The following LINGO2 variants were observed in gnomAD, a reference collection of about 807,000 sequenced individuals.
The protein encoded by LINGO2 is leucine-rich repeat and immunoglobulin-like domain-containing nogo receptor-interacting protein 2.
Under a neutral mutation model 30.6 loss-of-function variants are expected in LINGO2, and 14 were observed. That is an observed-to-expected ratio of 0.46 (90% CI 0.30 to 0.72). The LOEUF (loss-of-function observed/expected upper bound fraction) is 0.72, where lower values mean the gene tolerates loss of function less well. Among genes scored for constraint, LINGO2 ranks in the 30% least tolerant of loss-of-function variants. The pLI is 0.07. For synonymous variants in LINGO2, 317 were observed against 288.5 expected (o/e 1.10, Z -1.00); for missense variants, 729 against 751.7 (o/e 0.97, Z 0.35).
the LINGO2 span, among the ~76,000 whole-genome samples, chr9:28,704,916 A>G: frequency 2.6e-5 from 4 of 151,956 alleles, no homozygotes; most frequent in African/African-American, 9.7e-5. Flanking sequence ...ATCTGATGTT[A>G]TTCAATTGCT....
At chr9:28,051,419 TAAC>T (rs1415096892) in intron 4 of LINGO2, among the ~76,000 whole-genome samples, 5 of 152,250 alleles carry the variant, frequency 3.3e-5, no homozygotes, top group Non-Finnish European at 5.9e-5. Context: ...GAAACAATTC[TAAC>T]AACTTTCATT....
At chr9:28,149,212 C>T in intron 4 of LINGO2, 1 of 1,138,584 alleles carries the variant, frequency 8.8e-7, no homozygotes, top group South Asian at 1.4e-5. Flanking sequence ...GATGGTAGGG[C>T]AGGCGTGGTG....
At chr9:28,773,814 C>T in the LINGO2 span, among the ~76,000 whole-genome samples, 1 of 152,058 alleles carries the variant, frequency 6.6e-6, no homozygotes, top group African/African-American at 2.4e-5. Flanking sequence ...AATAAAAACT[C>T]CTTTAAATGT....
the LINGO2 span, among the ~76,000 whole-genome samples, chr9:29,161,243 G>A: frequency 5.3e-5 from 8 of 152,168 alleles, no homozygotes; most frequent in African/African-American, 1.9e-4. Flanking sequence ...ACAGTGTGAG[G>A]GAGCTAGTGT....
At chr9:28,220,758 T>A (rs766325445) in intron 4 of LINGO2, among the ~76,000 whole-genome samples, 1 of 151,972 alleles carries the variant, frequency 6.6e-6, no homozygotes, top group African/African-American at 2.4e-5. Context: ...CTACCATCGG[T>A]CTCCAGAAAA....
the LINGO2 span, among the ~76,000 whole-genome samples, chr9:29,163,110 A>G: frequency 1.3e-5 from 2 of 152,166 alleles, no homozygotes; most frequent in East Asian, 1.9e-4. Flanking sequence ...AAGTTTTAAT[A>G]TATCTTGAAG....
the LINGO2 span, among the ~76,000 whole-genome samples, chr9:28,719,368 G>C: frequency 2.6e-5 from 4 of 151,930 alleles, no homozygotes; most frequent in East Asian, 7.7e-4. Flanking sequence ...TTGAACATTT[G>C]TTACCAGCAG....
rs59571977 is a variant in LINGO2, at chr9:28,370,997, G to A, written c.-246+1839C>T. On this transcript the variant is annotated intron_variant, in intron 3 of 5. Coordinates refer to ENST00000379992, the Ensembl canonical transcript of LINGO2. ...CAGTGGCTAATGCAAGCCATCAGAA[G>A]TATCTACATAGAGTGCACGTAAATG... 8.2e-3 allele frequency among the ~76,000 whole-genome samples: 1,248 copies of A among 152,322 alleles called. 13 individuals are homozygous for A. Among genetic ancestry groups the A allele is most frequent in the Admixed American group, 0.013 (201 of 15,300 alleles).
intron 4 of LINGO2, among the ~76,000 whole-genome samples, chr9:28,240,609 G>C (rs777518051): frequency 6.6e-6 from 1 of 152,122 alleles, no homozygotes; most frequent in African/African-American, 2.4e-5. Context: ...AATGAAACTT[G>C]ATCCCCATCT....
At chr9:28,816,405 T>C in the LINGO2 span, among the ~76,000 whole-genome samples, 1 of 152,198 alleles carries the variant, frequency 6.6e-6, no homozygotes, top group African/African-American at 2.4e-5. Flanking sequence ...AAAAGAGTAA[T>C]TGCTATTTTT....
the LINGO2 span, among the ~76,000 whole-genome samples, chr9:29,045,520 A>G: frequency 1.3e-5 from 2 of 152,052 alleles, no homozygotes; most frequent in African/African-American, 4.8e-5. Flanking sequence ...AGAATAAAAA[A>G]CATATGACCA....
chr9:28,940,528 C>A, the LINGO2 span, among the ~76,000 whole-genome samples: 1 of 151,810 alleles, frequency 6.6e-6, no homozygotes, highest in South Asian at 2.1e-4. Flanking sequence ...CTATTATACA[C>A]CTTGAGGTTT....
the LINGO2 span, among the ~76,000 whole-genome samples, chr9:29,099,739 T>G: frequency 6.6e-6 from 1 of 152,120 alleles, no homozygotes; most frequent in African/African-American, 2.4e-5. Flanking sequence ...TAACAAATGC[T>G]GGCAAGGAGG....
chr9:28,300,140 A>C lies in LINGO2; in HGVS notation c.-245-4774T>G, dbSNP rs12237964. Among the ~76,000 whole-genome samples the C allele has an allele frequency of 0.016, 2,360 of 151,770 alleles. 141 individuals are homozygous for C. In the East Asian group the frequency reaches 0.19, roughly 12 times the overall value. ...TTTTTCTAATGGAAAAAAAAAAAAAAAAACAAAGACACAAAGAGAAGACTG... is the reference window on the plus strand; with the variant it reads ...TTTTTCTAATGGAAAAAAAAAAAAACAAACAAAGACACAAAGAGAAGACTG... On this transcript the variant is annotated intron_variant, in intron 3 of 5. Transcript: ENST00000379992.
At chr9:29,069,771 T>C in the LINGO2 span, among the ~76,000 whole-genome samples, 3 of 152,116 alleles carry the variant, frequency 2.0e-5, no homozygotes, top group African/African-American at 7.2e-5. Context: ...AGAGATACTT[T>C]GAGAAGGAGT....
At chr9:28,346,106 G>A (rs932416112) in intron 3 of LINGO2, among the ~76,000 whole-genome samples, 1 of 152,152 alleles carries the variant, frequency 6.6e-6, no homozygotes, top group African/African-American at 2.4e-5. Flanking sequence ...GTGCAGGTTT[G>A]TTATATAAAC....
At chr9:29,190,271 A>G in the LINGO2 span, among the ~76,000 whole-genome samples, 1 of 152,144 alleles carries the variant, frequency 6.6e-6, no homozygotes, top group South Asian at 2.1e-4. Context: ...AACTACAATA[A>G]AGTGTACAAA....
At chr9:29,148,334 A>T in the LINGO2 span, among the ~76,000 whole-genome samples, 37,787 of 151,892 alleles carry the variant, frequency 0.25, 4,864 homozygotes, top group East Asian at 0.4. Context: ...CTGATCGCCA[A>T]AGCATTTCTC....
chr9:28,410,289 G>A (rs1346263481), intron 2 of LINGO2, among the ~76,000 whole-genome samples: 1 of 151,980 alleles, frequency 6.6e-6, no homozygotes, highest in African/African-American at 2.4e-5. Flanking sequence ...TACGAACCAG[G>A]CAAGTTAGGA....
Sources: gnomAD v4.1 joint callset for allele counts (sites outside exome capture counted in the v4.1 genomes callset) on GRCh38, gnomAD v4.1.1 for gene constraint, MANE v1.5 for transcripts, NCBI Gene and HGNC (gene_info 2026-07-23, HGNC 2026-07-21) for gene names.